The following LRP5 variants were observed in gnomAD, a reference collection of about 807,000 sequenced individuals.
LRP5 encodes the protein low-density lipoprotein receptor-related protein 5.
LRP5 carries 62 observed loss-of-function variants against 154.1 expected under a neutral mutation model. That is an observed-to-expected ratio of 0.40 (90% CI 0.33 to 0.50). The LOEUF is 0.50. LRP5 is among the 20% of genes least tolerant of loss of function. LRP5 has a pLI of 0.55. For synonymous variants in LRP5, 966 were observed against 1,011.5 expected (o/e 0.96, Z 0.85); for missense variants, 1,915 against 2,336.7 (o/e 0.82, Z 3.72).
rs542743867 is a variant in LRP5 at position 68,318,711 on chromosome 11, G to A, written c.91+5906G>A. On this transcript the variant is annotated intron_variant, in intron 1 of 22. Transcript: ENST00000294304. ...GGAGGAAAGTGGTTTTTAGCCTTTT[G>A]AGGGGCTCAAGGACCCCTTCAAGGA... Among the ~76,000 whole-genome samples, 7 of 152,302 alleles carry A rather than the reference G, an allele frequency of 4.6e-5. No individual in the cohort carries two copies. The South Asian group carries it at 1.2e-3, about 27-fold the overall frequency.
At chr11:68,299,464 G>A in the LRP5 span, among the ~76,000 whole-genome samples, 1 of 147,964 alleles carries the variant, frequency 6.8e-6, no homozygotes, top group African/African-American at 2.7e-5. Flanking sequence ...GTGGGGTGGA[G>A]TCCTCAGTGT....
intron 3 of LRP5, among the ~76,000 whole-genome samples, chr11:68,358,144 C>T (rs1441810078): frequency 2.0e-5 from 3 of 151,760 alleles, no homozygotes; most frequent in Non-Finnish European, 4.4e-5. Context: ...GAGACAGAGT[C>T]TCACTCTTTC....
In LRP5 at chr11:68,348,224, G is replaced by T. The variant is rs762734738; in HGVS notation, c.469G>T (p.Ala157Ser). 3 of 1,607,708 alleles carry T rather than the reference G, an allele frequency of 1.9e-6. No individual in the cohort carries two copies. In the South Asian group the frequency reaches 3.3e-5, roughly 18 times the overall value. Residue 157 changes from alanine (A) to serine (S), a missense_variant, in exon 2 of 23, where the codon GCC (alanine) becomes TCC (serine). Around this residue, in one of 3 missense-constraint regions of LRP5, gnomAD observed 773 missense variants for 1,100.9 expected, o/e 0.70. Coordinates refer to ENST00000294304, the MANE Select transcript of LRP5 (RefSeq NM_002335.4). Reference protein sequence around the residue: ...WQDLDQPRAIALDPAHGYMYW... With the variant: ...WQDLDQPRAISLDPAHGYMYW... ...GGACCTTGACCAGCCGAGGGCCATCGCCTTGGACCCCGCTCACGGGTAAAC... is the reference window on the plus strand; with the variant it reads ...GGACCTTGACCAGCCGAGGGCCATCTCCTTGGACCCCGCTCACGGGTAAAC...
intron 5 of LRP5, among the ~76,000 whole-genome samples, chr11:68,381,839 G>A (rs1480567715): frequency 6.6e-6 from 1 of 152,126 alleles, no homozygotes; most frequent in East Asian, 1.9e-4. Context: ...CTGCTTCCCC[G>A]TGGCCATGGC....
intron 13 of LRP5, among the ~76,000 whole-genome samples, chr11:68,416,971 C>G (rs2098662908): frequency 6.6e-6 from 1 of 152,150 alleles, no homozygotes; most frequent in African/African-American, 2.4e-5. Context: ...AAAGCGGGGC[C>G]AGGGCACAGC....
At chr11:68,339,302 A>G (rs1280761122) in intron 1 of LRP5, among the ~76,000 whole-genome samples, 3 of 151,556 alleles carry the variant, frequency 2.0e-5, no homozygotes, top group Non-Finnish European at 4.4e-5. Flanking sequence ...CAGTATCCCA[A>G]GTAGAGCTGG....
chr11:68,439,481 G>A (rs1057080805), intron 20 of LRP5, among the ~76,000 whole-genome samples: 3 of 152,186 alleles, frequency 2.0e-5, no homozygotes, highest in Non-Finnish European at 2.9e-5. Flanking sequence ...CAGAGAACGC[G>A]GCCCTGTCTG....
At chr11:68,327,486 GC>G (rs921825998) in intron 1 of LRP5, among the ~76,000 whole-genome samples, 2 of 152,182 alleles carry the variant, frequency 1.3e-5, no homozygotes, top group East Asian at 1.9e-4. Flanking sequence ...TCTTTCAGTT[GC>G]CCCCCCTTAG....
rs2098660959 is a variant in LRP5 at position 68,413,833 on chromosome 11, A to G, written c.2648A>G (p.Gln883Arg). ...KTSGRNRTLI[Q>R]GHLDFVMDIL... ...AGCGGCCGGAACCGCACCCTCATCC[A>G]GGGCCACCTGGACTTCGTGATGGAC... Residue 883 changes from glutamine to arginine, a missense_variant, in exon 12 of 23, where the codon CAG becomes CGG. Transcript: ENST00000294304. The surrounding 1 kb of genome is among the most constrained non-coding windows in gnomAD (Gnocchi z 5.1). 1.2e-6 allele frequency: 2 copies of G among 1,613,624 alleles called. No individual in the cohort carries two copies. Among genetic ancestry groups the G allele is most frequent in the Non-Finnish European group, 1.7e-6 (2 of 1,180,028 alleles).
chr11:68,358,055 T>C (rs186848719), intron 3 of LRP5, among the ~76,000 whole-genome samples: 2 of 152,224 alleles, frequency 1.3e-5, no homozygotes, highest in East Asian at 3.9e-4. Context: ...ATGTGGCACG[T>C]TCATTCTAAG....
At chr11:68,445,459 A>AT in intron 21 of LRP5, 5 of 430,890 alleles carry the variant, frequency 1.2e-5, no homozygotes, top group South Asian at 5.9e-5. Flanking sequence ...GTAAAACAGG[A>AT]CTTCACCCGG....
intron 1 of LRP5, among the ~76,000 whole-genome samples, chr11:68,317,504 G>A (rs200476564): frequency 2.0e-5 from 3 of 152,200 alleles, no homozygotes; most frequent in African/African-American, 7.2e-5. Context: ...GGAGCAGAAC[G>A]GGGTGCTGGT....
At chr11:68,417,239 G>A (rs1039562659) in intron 13 of LRP5, among the ~76,000 whole-genome samples, 13 of 152,096 alleles carry the variant, frequency 8.5e-5, no homozygotes, top group Non-Finnish European at 1.3e-4. Flanking sequence ...CACCCCAGGC[G>A]TGGAGAAGAG....
At chr11:68,315,827 TG>T (rs1159090250) in intron 1 of LRP5, among the ~76,000 whole-genome samples, 7 of 152,200 alleles carry the variant, frequency 4.6e-5, no homozygotes, top group Non-Finnish European at 4.4e-5. Flanking sequence ...CTGTGGAGTC[TG>T]GTTGTGATCC....
At chr11:68,311,611 G>A (rs1404126173), upstream of LRP5, among the ~76,000 whole-genome samples, 1 of 152,210 alleles carries the variant, frequency 6.6e-6, no homozygotes, top group Non-Finnish European at 1.5e-5. Context: ...TGAGGGCAGA[G>A]GCGTTCAGCC....
At chr11:68,305,599 T>C in the LRP5 span, among the ~76,000 whole-genome samples, 1 of 152,116 alleles carries the variant, frequency 6.6e-6, no homozygotes, top group African/African-American at 2.4e-5. Flanking sequence ...CACGCCACCA[T>C]GCCTGGCTAA....
chr11:68,381,397 C>T (rs2098640176), intron 5 of LRP5, among the ~76,000 whole-genome samples: 3 of 152,078 alleles, frequency 2.0e-5, no homozygotes, highest in Non-Finnish European at 2.9e-5. Context: ...CGGACGGTGT[C>T]GAGCTGGACA....
At chr11:68,393,735 C>T (rs1035928568) in intron 7 of LRP5, among the ~76,000 whole-genome samples, 17 of 152,116 alleles carry the variant, frequency 1.1e-4, no homozygotes, top group Non-Finnish European at 1.5e-4. Context: ...GAGCCAAGAT[C>T]GCGCCACTAC....
At position 68,381,413 on chromosome 11, in the gene LRP5, A is replaced by G. The variant is rs140099546; in HGVS notation, c.1016-4903A>G. On this transcript the variant is annotated intron_variant, in intron 5 of 22. Transcript: ENST00000294304. Reference sequence around the variant, plus strand: ...GGACGGTGTCGAGCTGGACATGTCCATGACGTCGGCCATCCCTTGGGATGG... The same window carrying G: ...GGACGGTGTCGAGCTGGACATGTCCGTGACGTCGGCCATCCCTTGGGATGG... Among the ~76,000 whole-genome samples, 937 of 152,166 alleles carry G rather than the reference A, an allele frequency of 6.2e-3. 6 individuals carry two copies. The highest frequency in any genetic ancestry group is 0.02 in the African/African-American group (835 of 41,540).
Sources: allele counts gnomAD v4.1 joint callset (sites outside exome capture counted in the v4.1 genomes callset), GRCh38; gene constraint gnomAD v4.1.1; regional missense constraint gnomAD v4.1.1; non-coding constraint Gnocchi (gnomAD v3.1); transcripts MANE v1.5; gene names NCBI Gene and HGNC (gene_info 2026-07-23, HGNC 2026-07-21).